Variants in CPA3 observed in about 807,000 individuals in gnomAD.
CPA3 encodes mast cell carboxypeptidase A.
In CPA3, 52 loss-of-function variants were observed where a neutral mutation model predicts 55.8. The ratio of observed to expected loss-of-function variants is 0.93; its 90% CI spans 0.75 to 1.17. CPA3 has a LOEUF of 1.17. Ranked by LOEUF, CPA3 falls within the 50% of genes most tolerant of loss-of-function variation. CPA3 has a pLI of 0.00. For missense variants in CPA3, 547 were observed against 509.1 expected (o/e 1.07, Z -0.72); for synonymous variants, 179 against 171.2 (o/e 1.05, Z -0.36).
intron 2 of CPA3, among the ~76,000 whole-genome samples, chr3:148,867,402 T>C (rs1713931564): frequency 6.6e-6 from 1 of 152,228 alleles, no homozygotes; most frequent in South Asian, 2.1e-4. Flanking sequence ...GTGGGAAACA[T>C]GCATGTATGA....
chr3:148,887,576 G>C (rs914828667), intron 10 of CPA3, among the ~76,000 whole-genome samples: 10 of 152,118 alleles, frequency 6.6e-5, no homozygotes, highest in African/African-American at 2.4e-4. Flanking sequence ...GCAATGAACA[G>C]CCAAAAAATC....
At chr3:148,869,684 A>C (rs2108028855) in intron 3 of CPA3, among the ~76,000 whole-genome samples, 1 of 152,354 alleles carries the variant, frequency 6.6e-6, no homozygotes, top group Admixed American at 6.5e-5. Flanking sequence ...CAGAGAAGTA[A>C]GAGAAAATCT....
Position 148,865,302 on chromosome 3 carries a change from A to G in CPA3, c.-6A>G. 1 of 1,613,990 alleles carries G rather than the reference A, an allele frequency of 6.2e-7. No homozygotes were observed. The highest frequency in any genetic ancestry group is 8.5e-7 in the Non-Finnish European group (1 of 1,179,904). On this transcript the variant is annotated 5_prime_UTR_variant, in exon 1 of 11. Coordinates refer to ENST00000296046, the MANE Select transcript of CPA3 (RefSeq NM_001870.4). ...CAGAGGGTCTCAAGGCAGGCAAAGA[A>G]GAACCATGAGGCTCATCCTGCCTGT...
At chr3:148,882,689 T>C (rs1001790285) in intron 8 of CPA3, 94 bp downstream of exon 8, 4 of 961,056 alleles carry the variant, frequency 4.2e-6, no homozygotes, top group Non-Finnish European at 6.5e-6. Flanking sequence ...TAAAAATAGT[T>C]ATGCTTTGAG....
At chr3:148,869,410 C>A (rs374435790) in intron 3 of CPA3, among the ~76,000 whole-genome samples, 1 of 151,944 alleles carries the variant, frequency 6.6e-6, no homozygotes. Context: ...GAGCTACTGG[C>A]GCTGGCCTCC....
intron 10 of CPA3, among the ~76,000 whole-genome samples, chr3:148,890,513 A>C (rs1347125806): frequency 1.7e-5 from 2 of 116,536 alleles, no homozygotes; most frequent in Non-Finnish European, 4.4e-5. Context: ...ATTCTGAAAA[A>C]GAAAAGTTAA....
chr3:148,884,843 A>G (rs1008032858), intron 9 of CPA3, among the ~76,000 whole-genome samples: 2 of 148,604 alleles, frequency 1.3e-5, no homozygotes, highest in East Asian at 2.1e-4. Context: ...AAATGATATT[A>G]TGGGTTAAAA....
At chr3:148,883,104 C>T (rs1419807067) in intron 8 of CPA3, among the ~76,000 whole-genome samples, 1 of 152,200 alleles carries the variant, frequency 6.6e-6, no homozygotes, top group Non-Finnish European at 1.5e-5. Flanking sequence ...GGAGAAATTA[C>T]CATTGCCCCA....
At chr3:148,880,880 C>CT (rs1471623632) in intron 6 of CPA3, among the ~76,000 whole-genome samples, 2 of 152,144 alleles carry the variant, frequency 1.3e-5, no homozygotes, top group Non-Finnish European at 2.9e-5. Context: ...GCTCCCCCTA[C>CT]TCAACACATA....
chr3:148,881,453 A>C, intron 6 of CPA3, 69 bp from the exon 7 acceptor site: 1 of 912,500 alleles, frequency 1.1e-6, no homozygotes, highest in Non-Finnish European at 1.7e-6. Flanking sequence ...TATTACTATT[A>C]TAACCACAGC....
chr3:148,892,858 G>A (rs890070054), intron 10 of CPA3, among the ~76,000 whole-genome samples: 6 of 151,994 alleles, frequency 3.9e-5, no homozygotes, highest in African/African-American at 1.5e-4. Flanking sequence ...GGCGCCTGTA[G>A]AGAGGAGAAG....
At chr3:148,879,725 G>T in intron 5 of CPA3, 63 bp from the exon 6 acceptor site, 1 of 1,061,094 alleles carries the variant, frequency 9.4e-7, no homozygotes, top group Non-Finnish European at 1.5e-6. Context: ...ATGAGTTATT[G>T]GTCAACAAGG....
At chr3:148,883,564 A>G (rs749672912) in intron 8 of CPA3, 49 bp from the exon 9 acceptor site, 2 of 1,446,546 alleles carry the variant, frequency 1.4e-6, no homozygotes, top group Non-Finnish European at 9.7e-7. Context: ...GGCAGGAGCT[A>G]TATGGATGGG....
At chr3:148,888,276 A>T (rs762363597) in intron 10 of CPA3, among the ~76,000 whole-genome samples, 2 of 152,372 alleles carry the variant, frequency 1.3e-5, no homozygotes, top group Non-Finnish European at 2.9e-5. Context: ...CTTACTTATT[A>T]GATGCTTCTT....
In CPA3 at chr3:148,896,821, T is replaced by C. The variant is rs528695033; in HGVS notation, c.*114T>C. ...TTCTATTTCACCTGAATCCTTCTCT[T>C]GCTCATTTAAGTCCCATGTTACTGC... is the stretch of plus-strand genomic sequence containing the variant. On this transcript the variant is annotated 3_prime_UTR_variant, in exon 11 of 11. Coordinates refer to ENST00000296046, the MANE Select transcript of CPA3 (RefSeq NM_001870.4). The C allele has an allele frequency of 1.9e-5, 17 of 893,838 alleles. No homozygotes were observed. Among genetic ancestry groups the C allele is most frequent in the East Asian group, 2.6e-5 (1 of 38,620 alleles). 55.4% of individuals were successfully genotyped at this position (893,838 alleles called of 1,614,324 possible). A position where few individuals can be genotyped will look rare whatever the true frequency, so the allele number is the denominator to read the frequency against.
intron 10 of CPA3, among the ~76,000 whole-genome samples, chr3:148,894,050 C>T (rs74716325): frequency 1.2e-3 from 182 of 152,286 alleles, no homozygotes; most frequent in African/African-American, 3.9e-3. Flanking sequence ...GAAATAATCA[C>T]AGCAAAAGGC....
At chr3:148,881,001 G>A (rs1279601335) in intron 6 of CPA3, among the ~76,000 whole-genome samples, 2 of 152,070 alleles carry the variant, frequency 1.3e-5, no homozygotes, top group African/African-American at 4.8e-5. Flanking sequence ...GAAAGTGCAT[G>A]TGATTAGAGA....
intron 9 of CPA3, among the ~76,000 whole-genome samples, chr3:148,885,406 CTTT>C (rs10712598): frequency 6.3e-4 from 56 of 88,352 alleles, no homozygotes; most frequent in Non-Finnish European, 9.4e-4. Flanking sequence ...ATATTTAAGT[CTTT>C]TTTTTTTTTT....
rs1329290056 is a variant in CPA3 at position 148,896,618 on chromosome 3, C to T, written c.1165C>T (p.Leu389Phe). 1.3e-6 allele frequency: 2 copies of T among 1,592,504 alleles called. No homozygotes were observed. The highest frequency in any genetic ancestry group is 2.2e-5 in the East Asian group (1 of 44,538). ...LRDKGKFGFL[L>F]PESRIKPTCR... Reference sequence around the variant, plus strand: ...AGATAAAGGCAAATTTGGTTTTCTCCTTCCAGAATCCCGGATAAAGCCAAC... The same window carrying T: ...AGATAAAGGCAAATTTGGTTTTCTCTTTCCAGAATCCCGGATAAAGCCAAC... The change falls in exon 11 of 11, where the codon CTT (leucine) becomes TTT (phenylalanine). Residue 389 changes from leucine (L) to phenylalanine (F), a missense_variant. Leu to Phe is a conservative substitution (Grantham distance 22, BLOSUM62 0). Transcript: ENST00000296046.
Sources: gnomAD v4.1 joint callset for allele counts (sites outside exome capture counted in the v4.1 genomes callset) on GRCh38, gnomAD v4.1.1 for gene constraint, MANE v1.5 for transcripts, NCBI Gene and HGNC (gene_info 2026-07-23, HGNC 2026-07-21) for gene names.